Variants in SLC44A5 observed in about 807,000 individuals in gnomAD.
SLC44A5 encodes solute carrier family 44 member 5.
Under a neutral mutation model 101.8 loss-of-function variants are expected in SLC44A5, and 57 were observed. The ratio of observed to expected loss-of-function variants is 0.56; its 90% CI spans 0.45 to 0.70. SLC44A5 has a LOEUF of 0.70. SLC44A5 is among the 30% of genes least tolerant of loss of function. The pLI is 0.00. For synonymous variants in SLC44A5, 281 were observed against 290.9 expected (o/e 0.97, Z 0.35); for missense variants, 737 against 853.1 (o/e 0.86, Z 1.70).
At chr1:75,471,512 G>T (rs1557819757) in intron 2 of SLC44A5, among the ~76,000 whole-genome samples, 1 of 152,042 alleles carries the variant, frequency 6.6e-6, no homozygotes, top group Non-Finnish European at 1.5e-5. Flanking sequence ...CCTGATCATA[G>T]CCTTTTATCT....
the SLC44A5 span, among the ~76,000 whole-genome samples, chr1:75,629,962 A>T: frequency 1.3e-5 from 2 of 152,214 alleles, no homozygotes; most frequent in Non-Finnish European, 2.9e-5. Context: ...ATTGAATATA[A>T]TTTCAAACTC....
intron 4 of SLC44A5, among the ~76,000 whole-genome samples, chr1:75,332,841 A>G (rs1657150756): frequency 6.6e-6 from 1 of 152,246 alleles, no homozygotes; most frequent in Non-Finnish European, 1.5e-5. Flanking sequence ...CTATGTGGAC[A>G]CACACCACAC....
intron 22 of SLC44A5, among the ~76,000 whole-genome samples, 169 bp from the exon 23 acceptor site, chr1:75,211,721 T>C (rs1304154267): frequency 1.3e-5 from 2 of 152,186 alleles, no homozygotes; most frequent in African/African-American, 2.4e-5. Context: ...GCATACTTTG[T>C]ACTGAGACTT....
At chr1:75,333,882 C>T (rs1015758186) in intron 4 of SLC44A5, among the ~76,000 whole-genome samples, 1 of 152,186 alleles carries the variant, frequency 6.6e-6, no homozygotes, top group African/African-American at 2.4e-5. Flanking sequence ...CCTGAGAACA[C>T]TTATCCTTTC....
At chr1:75,626,256 A>C in the SLC44A5 span, among the ~76,000 whole-genome samples, 2 of 152,140 alleles carry the variant, frequency 1.3e-5, no homozygotes, top group Non-Finnish European at 1.5e-5. Context: ...TGTAACAAGG[A>C]TTTGAGAGAA....
At chr1:75,289,231 T>G (rs639028) in intron 5 of SLC44A5, among the ~76,000 whole-genome samples, 126,591 of 152,208 alleles carry the variant, frequency 0.83, 52,929 homozygotes, top group East Asian at 0.97. Context: ...CCAGGCTGCT[T>G]TACAAAGAGG....
chr1:75,704,309 T>C, the SLC44A5 span, among the ~76,000 whole-genome samples: 1 of 152,078 alleles, frequency 6.6e-6, no homozygotes, highest in Admixed American at 6.6e-5. Flanking sequence ...TTACTCAATA[T>C]AAGCTCTCTT....
the SLC44A5 span, among the ~76,000 whole-genome samples, chr1:75,633,559 C>T: frequency 2.0e-5 from 3 of 152,056 alleles, no homozygotes; most frequent in Admixed American, 2.0e-4. Context: ...GTGATTTTTG[C>T]ACATTGATTT....
At chr1:75,408,767 T>C (rs369024149) in intron 2 of SLC44A5, among the ~76,000 whole-genome samples, 9 of 152,142 alleles carry the variant, frequency 5.9e-5, no homozygotes, top group African/African-American at 2.2e-4. Context: ...AGATGATGGG[T>C]TGATGGGTGC....
chr1:75,258,221 G>A (rs1358545008), intron 6 of SLC44A5, among the ~76,000 whole-genome samples: 1 of 152,076 alleles, frequency 6.6e-6, no homozygotes. Flanking sequence ...GGGGGCTGAA[G>A]CCAGGGAACC....
intron 4 of SLC44A5, among the ~76,000 whole-genome samples, chr1:75,316,577 A>G (rs1172184221): frequency 6.6e-6 from 1 of 152,218 alleles, no homozygotes; most frequent in African/African-American, 2.4e-5. Context: ...CTTGGAACTT[A>G]ATTAACTCTA....
intron 8 of SLC44A5, 40 bp downstream of exon 8, chr1:75,242,846 A>G: frequency 6.5e-7 from 1 of 1,533,252 alleles, no homozygotes; most frequent in Non-Finnish European, 8.8e-7. Context: ...TGAAAAAAAA[A>G]GTTAAATTGT....
chr1:75,574,286 A>G (rs1032162724), intron 1 of SLC44A5, among the ~76,000 whole-genome samples: 3 of 152,192 alleles, frequency 2.0e-5, no homozygotes, highest in Non-Finnish European at 4.4e-5. Context: ...ATGTGGACAG[A>G]GAGTCCACAT....
At chr1:75,663,704 T>C in the SLC44A5 span, among the ~76,000 whole-genome samples, 1 of 152,212 alleles carries the variant, frequency 6.6e-6, no homozygotes, top group African/African-American at 2.4e-5. Flanking sequence ...AGCTGAATAC[T>C]ACCACACATA....
At chr1:75,509,891 C>A (rs1276009217) in intron 2 of SLC44A5, among the ~76,000 whole-genome samples, 10 of 152,114 alleles carry the variant, frequency 6.6e-5, no homozygotes, top group Admixed American at 5.9e-4. Flanking sequence ...TAAAAACATA[C>A]CCGAGACTGG....
chr1:75,645,453 C>T, the SLC44A5 span, among the ~76,000 whole-genome samples: 470 of 152,004 alleles, frequency 3.1e-3, 2 homozygotes, highest in Middle Eastern at 0.027. Flanking sequence ...TCATATCCTT[C>T]GCCCACTTGT....
intron 6 of SLC44A5, among the ~76,000 whole-genome samples, chr1:75,265,200 T>C (rs1650886908): frequency 6.6e-6 from 1 of 152,218 alleles, no homozygotes; most frequent in African/African-American, 2.4e-5. Context: ...AAACCACTTC[T>C]CTTCAAACTA....
intron 2 of SLC44A5, among the ~76,000 whole-genome samples, chr1:75,443,715 T>C (rs1265155530): frequency 6.6e-6 from 1 of 151,768 alleles, no homozygotes; most frequent in Non-Finnish European, 1.5e-5. Context: ...ACTCCCATTT[T>C]ATTATCTAGT....
At chr1:75,214,153 T>C (rs1467844989) in intron 20 of SLC44A5, among the ~76,000 whole-genome samples, 164 bp from the exon 21 acceptor site, 2 of 152,142 alleles carry the variant, frequency 1.3e-5, no homozygotes, top group East Asian at 3.9e-4. Flanking sequence ...TGGATGATGT[T>C]CTGACTTATT....
Sources: allele counts gnomAD v4.1 joint callset (sites outside exome capture counted in the v4.1 genomes callset), GRCh38; gene constraint gnomAD v4.1.1; transcripts MANE v1.5; gene names NCBI Gene and HGNC (gene_info 2026-07-23, HGNC 2026-07-21).